ISCU: variants seen among roughly 807,000 people sequenced by gnomAD.
The protein encoded by ISCU is iron-sulfur cluster assembly enzyme.
In ISCU, 13 loss-of-function variants were observed where a neutral mutation model predicts 18.4. The observed-to-expected ratio is 0.71, with a 90% CI of 0.46 to 1.12. The LOEUF (loss-of-function observed/expected upper bound fraction) is 1.12, where lower values mean the gene tolerates loss of function less well. ISCU is among the 50% of genes most tolerant of loss of function. ISCU has a pLI of 0.00. For missense variants in ISCU, 229 were observed against 208.7 expected (o/e 1.10, Z -0.60); for synonymous variants, 104 against 87.5 (o/e 1.19, Z -1.06).
chr12:108,562,731 A>G lies in ISCU; in HGVS notation c.109A>G (p.Lys37Glu). 7.0e-7 allele frequency: 1 copy of G among 1,436,508 alleles called. No homozygotes were observed. The highest frequency in any genetic ancestry group is 9.0e-7 in the Non-Finnish European group (1 of 1,110,180). 89.0% of individuals were successfully genotyped at this position (1,436,508 alleles called of 1,614,324 possible). A position where few individuals can be genotyped will look rare whatever the true frequency, so the allele number is the denominator to read the frequency against. Reference protein sequence around the residue: ...ELSAPARLYHKKVVDHYENPR... With the variant: ...ELSAPARLYHEKVVDHYENPR... ...GTCGGCCCCGGCCCGACTCTATCAC[A>G]AGAAGGTAGGGACAAAAGAGGGACG... Residue 37 changes from lysine (K) to glutamate (E), a missense_variant, in exon 1 of 5, where the codon AAG (lysine) becomes GAG (glutamate). Coordinates refer to ENST00000311893, the MANE Select transcript of ISCU (RefSeq NM_213595.4).
chr12:108,565,966 A>G (rs1043938922), intron 3 of ISCU, among the ~76,000 whole-genome samples: 1 of 152,362 alleles, frequency 6.6e-6, no homozygotes, highest in East Asian at 1.9e-4. Flanking sequence ...AAGAGCTAGA[A>G]CTTCTTTTTC....
chr12:108,562,896 G>C (rs1390309803), intron 1 of ISCU, 160 bp downstream of exon 1: 3 of 420,872 alleles, frequency 7.1e-6, no homozygotes, highest in African/African-American at 6.2e-5. Flanking sequence ...CACTGCAACT[G>C]ATAAACAACA....
chr12:108,562,793 G>T, intron 1 of ISCU, 57 bp downstream of exon 1: 2 of 1,032,776 alleles, frequency 1.9e-6, no homozygotes, highest in South Asian at 2.2e-5. Flanking sequence ...TGGGCTGGAG[G>T]GGCGGCCGCG....
intron 2 of ISCU, 73 bp downstream of exon 2, chr12:108,564,465 G>A (rs1305307244): frequency 2.0e-6 from 2 of 1,008,624 alleles, no homozygotes; most frequent in Non-Finnish European, 3.1e-6. Context: ...CATTTCACTT[G>A]GTCTCCATCT....
chr12:108,568,756 T>C (rs1452686477), intron 4 of ISCU, 75 bp from the exon 5 acceptor site: 7 of 1,557,076 alleles, frequency 4.5e-6, no homozygotes, highest in South Asian at 3.6e-5. Context: ...TCCTCCCAGC[T>C]CTTAAAGATT....
intron 3 of ISCU, 76 bp from the exon 4 acceptor site, chr12:108,567,114 C>A: frequency 1.8e-6 from 2 of 1,111,064 alleles, no homozygotes; most frequent in Non-Finnish European, 1.4e-6. Flanking sequence ...GCCTCTTTGG[C>A]CTCCCTTTTT....
intron 4 of ISCU, chr12:108,567,886 T>C: frequency 7.0e-7 from 1 of 1,426,706 alleles, no homozygotes. Flanking sequence ...GTATTAAATC[T>C]AATGCTTTTT....
intron 4 of ISCU, 64 bp downstream of exon 4, chr12:108,567,332 A>C: frequency 7.5e-7 from 1 of 1,342,126 alleles, no homozygotes; most frequent in Non-Finnish European, 1.1e-6. Context: ...CTTGGTTTGC[A>C]ACAGTCCTTT....
In ISCU at chr12:108,568,041, G is replaced by A. The variant is rs2030983587; in HGVS notation, c.418+773G>A. 6 of 1,495,820 alleles carry A rather than the reference G, an allele frequency of 4.0e-6. No individual in the cohort carries two copies. In the East Asian group the frequency reaches 1.2e-4, roughly 31 times the overall value. 92.7% of individuals were successfully genotyped at this position (1,495,820 alleles called of 1,614,324 possible). On this transcript the variant is annotated intron_variant, in intron 4 of 4. Transcript: ENST00000311893. ...GGTAATACTCACAGCAGAAGAGCCAGGTGCCGGGGCAGACACACTAACTCA... is the reference window on the plus strand; with the variant it reads ...GGTAATACTCACAGCAGAAGAGCCAAGTGCCGGGGCAGACACACTAACTCA...
intron 4 of ISCU, 117 bp from the exon 5 acceptor site, chr12:108,568,714 T>C: frequency 6.5e-7 from 1 of 1,531,072 alleles, no homozygotes; most frequent in Admixed American, 2.0e-5. Context: ...CTTTCTGGCT[T>C]GGTTACTCCA....
intron 1 of ISCU, 99 bp downstream of exon 1, chr12:108,562,835 C>G: frequency 1.8e-6 from 1 of 546,648 alleles, no homozygotes; most frequent in Non-Finnish European, 2.9e-6. Flanking sequence ...GGGAGCTGTC[C>G]CCTCCCACGT....
Position 108,562,599 on chromosome 12 carries a change from C to G in ISCU, c.-24C>G, listed in dbSNP as rs1385521522. ...CCCCGCCCCTCGGCGTCGCTCTGGACTGGCGCAGGCGCAAGCCGGCAAGAT... is the reference window on the plus strand; with the variant it reads ...CCCCGCCCCTCGGCGTCGCTCTGGAGTGGCGCAGGCGCAAGCCGGCAAGAT... On this transcript the variant is annotated 5_prime_UTR_variant, in exon 1 of 5. Coordinates refer to ENST00000311893, the MANE Select transcript of ISCU (RefSeq NM_213595.4). 4 of 1,376,956 alleles carry G rather than the reference C, an allele frequency of 2.9e-6. No individual in the cohort carries two copies. Among genetic ancestry groups the G allele is most frequent in the Admixed American group, 2.7e-5 (1 of 37,296 alleles). 85.3% of individuals were successfully genotyped at this position (1,376,956 alleles called of 1,614,324 possible).
intron 4 of ISCU, chr12:108,567,821 T>C (rs1382415225): frequency 1.3e-6 from 2 of 1,516,078 alleles, no homozygotes; most frequent in Admixed American, 2.0e-5. Context: ...CCTGCTATCC[T>C]AAAAAAAAGC....
chr12:108,565,408 A>C lies in ISCU; in HGVS notation c.316A>C (p.Thr106Pro). The C allele has an allele frequency of 1.2e-6, 2 of 1,613,046 alleles. No homozygotes were observed. The highest frequency in any genetic ancestry group is 2.2e-5 in the South Asian group (2 of 91,068). Residue 106 changes from threonine (T) to proline (P), a missense_variant, in exon 3 of 5, where the codon ACT becomes CCT. By Grantham distance (38) the Thr-to-Pro change is conservative (BLOSUM62 -1). Coordinates refer to ENST00000311893, the MANE Select transcript of ISCU (RefSeq NM_213595.4). ...GSAIASSSLATEWVKGKTVEE... is the reference protein window; with the variant it reads ...GSAIASSSLAPEWVKGKTVEE... The stretch of plus-strand genomic sequence containing the variant: ...CGCAATTGCCTCCAGCTCATTAGCC[A>C]CTGAATGGGTGAAAGGAAAGACGGT...
upstream of ISCU, chr12:108,562,544 C>T (rs2030629341): frequency 2.5e-6 from 2 of 793,036 alleles, no homozygotes; most frequent in East Asian, 3.4e-5. Flanking sequence ...GAGAGGCGCG[C>T]TCCCAGCTCG....
intron 1 of ISCU, chr12:108,562,958 C>G (rs2030687689): frequency 5.2e-6 from 2 of 385,636 alleles, no homozygotes; most frequent in Non-Finnish European, 9.2e-6. Flanking sequence ...CTGGCCGCGA[C>G]TTCGTGCGTC....
intron 1 of ISCU, chr12:108,563,430 A>G (rs11113992): frequency 0.046 from 7,046 of 153,854 alleles, 191 homozygotes; most frequent in South Asian, 0.075. Flanking sequence ...AATGCCATAA[A>G]TCAACGTGGC....
chr12:108,566,746 A>G (rs1247016847), intron 3 of ISCU, among the ~76,000 whole-genome samples: 1 of 152,198 alleles, frequency 6.6e-6, no homozygotes, highest in Non-Finnish European at 1.5e-5. Flanking sequence ...TACTTACCTG[A>G]AATCTTCCCA....
Position 108,562,681 on chromosome 12 carries a change from G to A in ISCU, c.59G>A (p.Ser20Asn), listed in dbSNP as rs1426998960. 2.1e-6 allele frequency: 3 copies of A among 1,449,828 alleles called. No individual in the cohort carries two copies. The highest frequency in any genetic ancestry group is 2.7e-6 in the Non-Finnish European group (3 of 1,109,646). 89.8% of individuals were successfully genotyped at this position (1,449,828 alleles called of 1,614,324 possible). A position where few individuals can be genotyped will look rare whatever the true frequency, so the allele number is the denominator to read the frequency against. Residue 20 changes from serine (S) to asparagine (N), a missense_variant, in exon 1 of 5, where the codon AGC becomes AAC. Transcript: ENST00000311893. ...GCGGCATCGGCTCTGCTGCTGCGGA[G>A]CCCCCGCCTGCCCGCCCGGGAGCTG... ...RRAASALLLR[S>N]PRLPARELSA... is the part of the protein sequence containing the mutation.
Sources: allele counts gnomAD v4.1 joint callset (sites outside exome capture counted in the v4.1 genomes callset), GRCh38; gene constraint gnomAD v4.1.1; transcripts MANE v1.5; gene names NCBI Gene and HGNC (gene_info 2026-07-23, HGNC 2026-07-21).